Variants in CNTNAP2 observed in about 807,000 individuals in gnomAD.
The protein encoded by CNTNAP2 is contactin-associated protein-like 2.
Under a neutral mutation model 155.2 loss-of-function variants are expected in CNTNAP2, and 98 were observed. The observed-to-expected ratio is 0.63, with a 90% confidence interval of 0.54 to 0.75. The LOEUF (loss-of-function observed/expected upper bound fraction) is 0.75. Ranked by LOEUF, CNTNAP2 falls within the 30% of genes least tolerant of loss-of-function variation. The pLI is 0.00. For synonymous variants in CNTNAP2, 651 were observed against 631.2 expected (o/e 1.03, Z -0.47); for missense variants, 1,727 against 1,688.1 (o/e 1.02, Z -0.40).
chr7:147,642,720 AT>A (rs1196227000), intron 13 of CNTNAP2, among the ~76,000 whole-genome samples: 2 of 152,204 alleles, frequency 1.3e-5, no homozygotes, highest in African/African-American at 4.8e-5. Context: ...CAGTAAATAT[AT>A]CACTTTCTTT....
chr7:147,815,006 A>C (rs1486115112), intron 13 of CNTNAP2, among the ~76,000 whole-genome samples: 3 of 152,206 alleles, frequency 2.0e-5, no homozygotes, highest in Admixed American at 1.3e-4. Flanking sequence ...CAAGGTTAGA[A>C]AGAAGAGAGC....
intron 2 of CNTNAP2, among the ~76,000 whole-genome samples, chr7:146,804,883 T>G (rs1053386917): frequency 4.6e-5 from 7 of 152,202 alleles, no homozygotes; most frequent in Admixed American, 3.9e-4. Flanking sequence ...CTCCAGTAAG[T>G]TCAGGGAGGC....
chr7:147,654,143 C>T (rs1795490306), intron 13 of CNTNAP2, among the ~76,000 whole-genome samples: 1 of 152,098 alleles, frequency 6.6e-6, no homozygotes, highest in African/African-American at 2.4e-5. Flanking sequence ...TGTGTACCTC[C>T]TAAATGCTGG....
chr7:147,533,781 G>T (rs1799487635), intron 11 of CNTNAP2, among the ~76,000 whole-genome samples: 1 of 151,574 alleles, frequency 6.6e-6, no homozygotes, highest in Admixed American at 6.6e-5. Context: ...GCATTGGTAA[G>T]AATAGTTTTA....
intron 1 of CNTNAP2, among the ~76,000 whole-genome samples, chr7:146,530,427 G>A (rs976267524): frequency 1.1e-4 from 17 of 152,098 alleles, no homozygotes; most frequent in African/African-American, 3.9e-4. Context: ...AAAAAAAAGA[G>A]CAAAGTAAAC....
At chr7:146,603,782 A>G (rs1292672033) in intron 1 of CNTNAP2, among the ~76,000 whole-genome samples, 2 of 150,618 alleles carry the variant, frequency 1.3e-5, no homozygotes. Context: ...AACTACAACT[A>G]TCTGATCTTT....
At chr7:147,366,208 T>C (rs1796226795) in intron 9 of CNTNAP2, among the ~76,000 whole-genome samples, 1 of 152,164 alleles carries the variant, frequency 6.6e-6, no homozygotes, top group Non-Finnish European at 1.5e-5. Context: ...TCCAAAATTT[T>C]ACATAAAGTT....
chr7:146,484,394 G>A (rs957047813), intron 1 of CNTNAP2, among the ~76,000 whole-genome samples: 2 of 152,324 alleles, frequency 1.3e-5, no homozygotes, highest in East Asian at 3.9e-4. Context: ...TCTGAATGCT[G>A]TCTAAAACTA....
chr7:147,423,886 T>G (rs1186409088), intron 10 of CNTNAP2, among the ~76,000 whole-genome samples: 2 of 152,202 alleles, frequency 1.3e-5, no homozygotes, highest in Admixed American at 6.6e-5. Flanking sequence ...AGTCCCACAT[T>G]CTATCATTAT....
At chr7:147,184,180 A>C (rs1289374768) in intron 8 of CNTNAP2, among the ~76,000 whole-genome samples, 1 of 152,136 alleles carries the variant, frequency 6.6e-6, no homozygotes, top group East Asian at 1.9e-4. Context: ...CTGAAATACA[A>C]ATGTGGGCTG....
intron 11 of CNTNAP2, among the ~76,000 whole-genome samples, chr7:147,542,631 G>A (rs860396): frequency 0.49 from 74,251 of 152,024 alleles, 18,281 homozygotes; most frequent in East Asian, 0.61. Context: ...CTAGCTAAGA[G>A]CTCTGTCTCT....
rs140565390 is a variant in CNTNAP2 at position 146,425,277 on chromosome 7, T to A, written c.97+308304T>A. ...TTTACTATTATGTCATTTGTGTTTT[T>A]TGATGAGTATAAAACCCATTTTGTT... is the stretch of plus-strand genomic sequence containing the variant. On this transcript the variant is annotated intron_variant, in intron 1 of 23. Transcript: ENST00000361727. Among the ~76,000 whole-genome samples, 1,038 of 152,344 alleles carry A rather than the reference T, an allele frequency of 6.8e-3. 10 individuals carry two copies. Among genetic ancestry groups the A allele is most frequent in the African/African-American group, 0.023 (970 of 41,574 alleles).
At chr7:147,970,572 T>C (rs927834109) in intron 14 of CNTNAP2, among the ~76,000 whole-genome samples, 2 of 151,926 alleles carry the variant, frequency 1.3e-5, no homozygotes, top group African/African-American at 4.8e-5. Context: ...CAAAAAAAGA[T>C]GGAGAAAAGA....
In CNTNAP2 at chr7:147,128,733, C is replaced by T; in HGVS notation, c.980C>T (p.Ser327Phe). The T allele has an allele frequency of 6.2e-7, 1 of 1,614,000 alleles. No homozygotes were observed. Among genetic ancestry groups the T allele is most frequent in the East Asian group, 2.2e-5 (1 of 44,868 alleles). The change falls in exon 7 of 24, where the codon TCC (serine) becomes TTC (phenylalanine). Residue 327 changes from serine to phenylalanine, a missense_variant. Physicochemically the swap from Ser to Phe is radical, Grantham distance 155 (BLOSUM62 -2). Transcript: ENST00000361727. ...ATCCCTTTCTCTGGCAAGCCCAGCT[C>T]CAGCAGTAGAAAGAATTTCAAAGGC... is the stretch of plus-strand genomic sequence containing the variant. ...GGIPFSGKPS[S>F]SSRKNFKGCM...
At chr7:147,570,858 C>G (rs1340337027) in intron 12 of CNTNAP2, among the ~76,000 whole-genome samples, 1 of 152,208 alleles carries the variant, frequency 6.6e-6, no homozygotes, top group Non-Finnish European at 1.5e-5. Flanking sequence ...TATATAGGAA[C>G]AGCACTCCTC....
intron 3 of CNTNAP2, among the ~76,000 whole-genome samples, chr7:146,910,374 T>C (rs1796245440): frequency 6.7e-6 from 1 of 149,496 alleles, no homozygotes; most frequent in Admixed American, 6.6e-5. Flanking sequence ...AGAACAAAGC[T>C]GGAGGCATCA....
At chr7:147,281,579 A>C (rs1805035393) in intron 8 of CNTNAP2, among the ~76,000 whole-genome samples, 1 of 151,708 alleles carries the variant, frequency 6.6e-6, no homozygotes, top group South Asian at 2.1e-4. Context: ...TTATTAAAAG[A>C]CTAAACCTAT....
At chr7:146,304,522 C>G (rs1476309737) in intron 1 of CNTNAP2, among the ~76,000 whole-genome samples, 2 of 152,058 alleles carry the variant, frequency 1.3e-5, no homozygotes, top group Non-Finnish European at 1.5e-5. Flanking sequence ...TTCTCCTTCA[C>G]TCATGAAGCT....
intron 13 of CNTNAP2, among the ~76,000 whole-genome samples, chr7:147,702,968 GCTT>G (rs1477911589): frequency 2.0e-5 from 3 of 152,180 alleles, no homozygotes; most frequent in Non-Finnish European, 4.4e-5. Flanking sequence ...TCATTTTTCT[GCTT>G]CTTTACTTTT....
Sources: allele counts gnomAD v4.1 joint callset (sites outside exome capture counted in the v4.1 genomes callset), GRCh38; gene constraint gnomAD v4.1.1; transcripts MANE v1.5; gene names NCBI Gene and HGNC (gene_info 2026-07-23, HGNC 2026-07-21).